Variants in ZNF777 observed in about 807,000 individuals in gnomAD.
The protein encoded by ZNF777 is zinc finger protein 777.
A neutral mutation model predicts 72.1 loss-of-function variants in ZNF777; 7 were observed. The ratio of observed to expected loss-of-function variants is 0.10; its 90% CI spans 0.06 to 0.18. ZNF777 has a LOEUF of 0.18. Ranked by LOEUF, ZNF777 falls within the 10% of genes least tolerant of loss-of-function variation. The probability of loss-of-function intolerance (pLI) is 1.00; values close to 1 mark genes in which losing one functional copy is unlikely to be tolerated. For synonymous variants in ZNF777, 545 were observed against 483.5 expected, an observed-to-expected ratio of 1.13 and a Z score of -1.67; for missense variants, 828 against 1,128.6, an observed-to-expected ratio of 0.73 and a Z score of 3.82.
intron 1 of ZNF777, among the ~76,000 whole-genome samples, chr7:149,456,311 G>A (rs544516676): frequency 6.6e-6 from 1 of 152,196 alleles, no homozygotes; most frequent in East Asian, 1.9e-4. Context: ...GGTACCTTAC[G>A]AACAGCAGTG....
In ZNF777 at chr7:149,444,845, G is replaced by A. The variant is rs568212226; in HGVS notation, c.1087+6154C>T. On this transcript the variant is annotated intron_variant, in intron 4 of 5. Coordinates refer to ENST00000247930, the MANE Select transcript of ZNF777 (RefSeq NM_015694.3). The stretch of plus-strand genomic sequence containing the variant: ...CTCAGTTGCTCTGAAATTCCGTGCT[G>A]AAAGTGTAGGTCTATTTTCTTCCAG... Among the ~76,000 whole-genome samples, 5 of 152,328 alleles carry A rather than the reference G, an allele frequency of 3.3e-5. No individual in the cohort carries two copies. In the East Asian group the frequency reaches 7.7e-4, roughly 24 times the overall value.
At chr7:149,434,816 C>T (rs887824282) in intron 5 of ZNF777, among the ~76,000 whole-genome samples, 1 of 152,166 alleles carries the variant, frequency 6.6e-6, no homozygotes. Flanking sequence ...CTCCTAACCT[C>T]AAGTGATCCG....
chr7:149,432,250 G>A lies in ZNF777; in HGVS notation c.2022C>T (p.Arg674=), dbSNP rs1182456731. 2.1e-5 allele frequency: 33 copies of A among 1,609,194 alleles called. No individual in the cohort carries two copies. The highest frequency in any genetic ancestry group is 2.8e-5 in the Non-Finnish European group (33 of 1,179,946). ...GATGGATCACCAAGCTGATGTGCAG[G>A]CGGAAGCTCTTCTTGCACTCGGGGC... ...YTCPECKKSF[R]LHISLVIHQR... Residue 674 remains arginine, a synonymous_variant, in exon 6 of 6, where the codon CGC becomes CGT. Transcript: ENST00000247930.
Position 149,436,651 on chromosome 7 carries a change from C to A in ZNF777, c.1263G>T (p.Thr421=), listed in dbSNP as rs771379446. 17 of 1,614,054 alleles carry A rather than the reference C, an allele frequency of 1.1e-5. No individual in the cohort carries two copies. Among genetic ancestry groups the A allele is most frequent in the Non-Finnish European group, 1.4e-5 (16 of 1,180,044 alleles). The change falls in exon 5 of 6, where the codon ACG becomes ACT. Residue 421 remains threonine, a synonymous_variant. Transcript: ENST00000247930. This position sits in a 1 kb window ranked among gnomAD's most constrained non-coding sequence, Gnocchi z 5.0. The part of the protein sequence containing the change: ...PDLDMQEPEN[T]LEESTEGSSE... The stretch of plus-strand genomic sequence containing the variant: ...TGGAGCCTTCCGTGGACTCCTCCAG[C>A]GTGTTCTCTGGCTCCTGCATGTCCA...
intron 5 of ZNF777, among the ~76,000 whole-genome samples, chr7:149,433,969 G>C (rs769209089): frequency 1.3e-5 from 2 of 152,184 alleles, no homozygotes; most frequent in Non-Finnish European, 2.9e-5. Context: ...TGTGACAGAA[G>C]ACACAAAAAT....
At chr7:149,448,579 C>CTATATA (rs57860880) in intron 4 of ZNF777, among the ~76,000 whole-genome samples, 3,627 of 114,650 alleles carry the variant, frequency 0.032, 106 homozygotes, top group Non-Finnish European at 0.047. Flanking sequence ...ATACATATAA[C>CTATATA]TATATATATA....
chr7:149,456,023 G>A lies in ZNF777; in HGVS notation c.-1C>T. 1.3e-6 allele frequency: 2 copies of A among 1,565,716 alleles called. No homozygotes were observed. Among genetic ancestry groups the A allele is most frequent in the Non-Finnish European group, 1.7e-6 (2 of 1,154,642 alleles). Reference sequence around the variant, plus strand: ...GAGGTGATGAGCGTTGGTTCTCCATGTCCAGCTGCTGAACCTGTGTTCATG... The same window carrying A: ...GAGGTGATGAGCGTTGGTTCTCCATATCCAGCTGCTGAACCTGTGTTCATG... On this transcript the variant is annotated 5_prime_UTR_variant, in exon 2 of 6. Transcript: ENST00000247930.
chr7:149,448,841 T>C (rs1799664545), intron 4 of ZNF777, among the ~76,000 whole-genome samples: 1 of 151,922 alleles, frequency 6.6e-6, no homozygotes, highest in Non-Finnish European at 1.5e-5. Context: ...GTTCTGAGTA[T>C]TTGGAGGGTT....
In ZNF777 at chr7:149,455,046, T is replaced by A; in HGVS notation, c.846+131A>T. The A allele has an allele frequency of 8.8e-7, 1 of 1,140,872 alleles. No individual in the cohort carries two copies. The highest frequency in any genetic ancestry group is 1.5e-5 in the South Asian group (1 of 65,418). 70.7% of individuals were successfully genotyped at this position (1,140,872 alleles called of 1,614,324 possible). A position where few individuals can be genotyped will look rare whatever the true frequency, so the allele number is the denominator to read the frequency against. ...CAGGAGAAATAATTTGATTTTGGCA[T>A]GTCCTAGCAACTGGGATCACTGTAT... On this transcript the variant is annotated intron_variant, in intron 2 of 5. Transcript: ENST00000247930. This position sits in a 1 kb window ranked among gnomAD's most constrained non-coding sequence, Gnocchi z 4.2.
In ZNF777 at chr7:149,431,564, C is replaced by T. The variant is rs1409130894; in HGVS notation, c.*212G>A. On this transcript the variant is annotated 3_prime_UTR_variant, in exon 6 of 6. Transcript: ENST00000247930. ...CCGAAAGGGTTCCCCAGGTCCGCGC[C>T]CTCCCCCCTGGGGCCCCCGGGGAAA... The T allele has an allele frequency of 2.1e-6, 1 of 484,958 alleles. No individual in the cohort carries two copies. The highest frequency in any genetic ancestry group is 3.8e-6 in the Non-Finnish European group (1 of 259,998). 30.0% of individuals were successfully genotyped at this position (484,958 alleles called of 1,614,324 possible).
chr7:149,452,358 G>T (rs774840707), intron 3 of ZNF777, among the ~76,000 whole-genome samples: 1 of 146,010 alleles, frequency 6.8e-6, no homozygotes. Flanking sequence ...TAGGCTGGGC[G>T]TGTGGCTCAC....
In ZNF777 at chr7:149,460,176, G is replaced by A. The variant is rs895798712; in HGVS notation, c.-16+639C>T. On this transcript the variant is annotated intron_variant, in intron 1 of 5. Coordinates refer to ENST00000247930, the MANE Select transcript of ZNF777 (RefSeq NM_015694.3). The surrounding 1 kb of genome is among the most constrained non-coding windows in gnomAD (Gnocchi z 6.1). ...CTGCGCTGTCCGGCCCGGGCCCCCG[G>A]AGTCGCCGCCGCTACTGCCGCCGCC... is the stretch of plus-strand genomic sequence containing the variant. 54 of 889,694 alleles carry A rather than the reference G, an allele frequency of 6.1e-5. No individual in the cohort carries two copies. The East Asian group carries it at 3.7e-3, about 62-fold the overall frequency. 55.1% of individuals were successfully genotyped at this position (889,694 alleles called of 1,614,324 possible).
At chr7:149,454,904 C>T (rs556790134) in intron 2 of ZNF777, among the ~76,000 whole-genome samples, 26 of 152,340 alleles carry the variant, frequency 1.7e-4, no homozygotes, top group Admixed American at 5.2e-4. Flanking sequence ...CGGCTCTCAT[C>T]GGCCTTCGCT....
At chr7:149,446,491 G>A (rs921364421) in intron 4 of ZNF777, among the ~76,000 whole-genome samples, 1 of 152,118 alleles carries the variant, frequency 6.6e-6, no homozygotes, top group Non-Finnish European at 1.5e-5. Flanking sequence ...TGAATAAGGA[G>A]TAATACATGC....
intron 5 of ZNF777, among the ~76,000 whole-genome samples, chr7:149,434,382 G>A (rs1799377199): frequency 6.6e-6 from 1 of 152,134 alleles, no homozygotes; most frequent in Non-Finnish European, 1.5e-5. Flanking sequence ...GTAGTGTTAG[G>A]ATTCTCAGCA....
chr7:149,454,058 G>T, intron 3 of ZNF777, 53 bp downstream of exon 3: 1 of 1,607,860 alleles, frequency 6.2e-7, no homozygotes, highest in Non-Finnish European at 8.5e-7. Flanking sequence ...GTTTATGAAT[G>T]CACTTTGAGC....
At chr7:149,454,342 G>T in intron 2 of ZNF777, 105 bp from the exon 3 acceptor site, 2 of 1,457,294 alleles carry the variant, frequency 1.4e-6, no homozygotes, top group South Asian at 2.5e-5. Context: ...CTTCACCTAG[G>T]ACTTTTCTAG....
chr7:149,433,749 G>A (rs1024180038), intron 5 of ZNF777, among the ~76,000 whole-genome samples: 2 of 152,320 alleles, frequency 1.3e-5, no homozygotes, highest in Admixed American at 6.5e-5. Context: ...TCTGGATCAG[G>A]TGCAGGCAGT....
At chr7:149,453,112 C>G (rs1301510793) in intron 3 of ZNF777, among the ~76,000 whole-genome samples, 2 of 152,140 alleles carry the variant, frequency 1.3e-5, no homozygotes, top group Non-Finnish European at 2.9e-5. Context: ...TGCCTCAGTG[C>G]ATGTATCATG....
Sources: allele counts gnomAD v4.1 joint callset (sites outside exome capture counted in the v4.1 genomes callset), GRCh38; gene constraint gnomAD v4.1.1; non-coding constraint Gnocchi (gnomAD v3.1); transcripts MANE v1.5; gene names NCBI Gene and HGNC (gene_info 2026-07-23, HGNC 2026-07-21).